The following C8orf34 variants were observed in gnomAD, a reference collection of about 807,000 sequenced individuals.
The protein encoded by C8orf34 is uncharacterized protein C8orf34.
C8orf34 carries 65 observed loss-of-function variants against 68.3 expected under a neutral mutation model. The ratio of observed to expected loss-of-function variants is 0.95; its 90% confidence interval spans 0.78 to 1.17. The LOEUF (loss-of-function observed/expected upper bound fraction) is 1.17, where lower values mean the gene tolerates loss of function less well. Ranked by LOEUF, C8orf34 falls within the 50% of genes most tolerant of loss-of-function variation. The pLI, the probability that C8orf34 is intolerant of heterozygous loss-of-function variation, is 0.00. For missense variants in C8orf34, 664 were observed against 655.4 expected, an observed-to-expected ratio of 1.01 and a Z score of -0.14; for synonymous variants, 244 against 241.2, an observed-to-expected ratio of 1.01 and a Z score of -0.11.
At chr8:68,633,435 T>C (rs1301610679) in intron 7 of C8orf34, among the ~76,000 whole-genome samples, 1 of 152,218 alleles carries the variant, frequency 6.6e-6, no homozygotes, top group African/African-American at 2.4e-5. Context: ...TTATCTATCT[T>C]CTTAACATTC....
chr8:68,469,703 T>C (rs1812297242), intron 4 of C8orf34, among the ~76,000 whole-genome samples: 1 of 152,024 alleles, frequency 6.6e-6, no homozygotes, highest in Non-Finnish European at 1.5e-5. Flanking sequence ...AAATTTTCTT[T>C]TATTGCCATG....
intron 1 of C8orf34, among the ~76,000 whole-genome samples, chr8:68,395,920 G>C (rs1265574939): frequency 6.6e-6 from 1 of 152,078 alleles, no homozygotes; most frequent in African/African-American, 2.4e-5. Flanking sequence ...GAGGAAGTAA[G>C]TGTACATAGT....
chr8:68,560,661 G>A (rs756553262), intron 7 of C8orf34, among the ~76,000 whole-genome samples: 22 of 152,268 alleles, frequency 1.4e-4, no homozygotes, highest in African/African-American at 5.1e-4. Context: ...TAATGCAATG[G>A]TAAGTATTTG....
intron 7 of C8orf34, among the ~76,000 whole-genome samples, chr8:68,598,839 G>A (rs994640621): frequency 6.6e-6 from 1 of 152,062 alleles, no homozygotes; most frequent in African/African-American, 2.4e-5. Flanking sequence ...AAAATAAATA[G>A]AAGATACAGA....
At chr8:68,727,950 CT>C (rs1223593079) in intron 10 of C8orf34, among the ~76,000 whole-genome samples, 1 of 152,206 alleles carries the variant, frequency 6.6e-6, no homozygotes, top group Non-Finnish European at 1.5e-5. Context: ...CATTAGGATC[CT>C]TGCTACTTAT....
At chr8:68,409,163 CTA>C (rs1788720663) in intron 1 of C8orf34, among the ~76,000 whole-genome samples, 1 of 152,138 alleles carries the variant, frequency 6.6e-6, no homozygotes, top group Non-Finnish European at 1.5e-5. Flanking sequence ...TCATAAATGG[CTA>C]TGTTACTAGT....
At chr8:68,809,384 A>G (rs1824579752) in intron 12 of C8orf34, among the ~76,000 whole-genome samples, 1 of 152,178 alleles carries the variant, frequency 6.6e-6, no homozygotes, top group Non-Finnish European at 1.5e-5. Context: ...AAGGTTTTAT[A>G]GTCCTAATTT....
intron 1 of C8orf34, among the ~76,000 whole-genome samples, chr8:68,394,854 C>A (rs1379985172): frequency 6.6e-6 from 1 of 151,988 alleles, no homozygotes; most frequent in Non-Finnish European, 1.5e-5. Context: ...GTAGAAAATA[C>A]TAAGGAATAA....
rs758788316 is a variant in C8orf34, at chr8:68,446,318, T to C, written c.476-11T>C. On this transcript the variant is annotated splice_polypyrimidine_tract_variant and intron_variant, in intron 2 of 13. Transcript: ENST00000518698. Reference sequence around the variant, plus strand: ...CTTTGTTGCCATTTTATATATATTTTGTTTTAACAGAATCCAAAGGAACAA... The same window carrying C: ...CTTTGTTGCCATTTTATATATATTTCGTTTTAACAGAATCCAAAGGAACAA... 1 of 1,572,290 alleles carries C rather than the reference T, an allele frequency of 6.4e-7. No homozygotes were observed. The highest frequency in any genetic ancestry group is 1.2e-5 in the South Asian group (1 of 83,608).
At chr8:68,516,691 A>G (rs1814533624) in intron 5 of C8orf34, among the ~76,000 whole-genome samples, 1 of 151,812 alleles carries the variant, frequency 6.6e-6, no homozygotes, top group African/African-American at 2.4e-5. Flanking sequence ...CCCAGGCTGG[A>G]GTGCAGTGGC....
chr8:68,802,139 T>G (rs1440895910), intron 12 of C8orf34, among the ~76,000 whole-genome samples: 2 of 152,192 alleles, frequency 1.3e-5, no homozygotes, highest in Non-Finnish European at 2.9e-5. Context: ...TTGCTCTTGT[T>G]GCCCAGGCTG....
At chr8:68,431,625 T>C (rs1375706157) in intron 1 of C8orf34, among the ~76,000 whole-genome samples, 1 of 152,200 alleles carries the variant, frequency 6.6e-6, no homozygotes. Context: ...ACTACAAGCT[T>C]GTGCTTTTAT....
At chr8:68,462,413 A>G (rs913313389) in intron 3 of C8orf34, among the ~76,000 whole-genome samples, 13 of 152,124 alleles carry the variant, frequency 8.5e-5, no homozygotes, top group Admixed American at 2.6e-4. Flanking sequence ...ATACCCAGGA[A>G]TTGAACTCAG....
In C8orf34 at chr8:68,452,294, A is replaced by C. The variant is rs1307456891; in HGVS notation, c.607+5834A>C. ...TGTACTTGATTTGCTGGGTTATATG[A>C]TAATTCTATGTGTAACTTCGAGGAG... On this transcript the variant is annotated intron_variant, in intron 3 of 13. Coordinates refer to ENST00000518698, the MANE Select transcript of C8orf34 (RefSeq NM_052958.4). 2.0e-5 allele frequency among the ~76,000 whole-genome samples: 3 copies of C among 151,442 alleles called. No homozygotes were observed. The East Asian group carries it at 5.8e-4, about 29-fold the overall frequency.
At chr8:68,758,383 G>A (rs1563652434) in intron 10 of C8orf34, among the ~76,000 whole-genome samples, 2 of 152,136 alleles carry the variant, frequency 1.3e-5, no homozygotes, top group African/African-American at 4.8e-5. Context: ...AAATTCTCAA[G>A]CTAAGCCAGA....
intron 1 of C8orf34, among the ~76,000 whole-genome samples, chr8:68,352,238 G>T (rs1033534146): frequency 2.6e-5 from 4 of 151,906 alleles, no homozygotes; most frequent in African/African-American, 9.7e-5. Flanking sequence ...AGCTTGAAGA[G>T]GAAGCATATA....
intron 3 of C8orf34, among the ~76,000 whole-genome samples, chr8:68,465,039 G>A (rs1010992497): frequency 1.5e-4 from 23 of 151,354 alleles, no homozygotes; most frequent in Admixed American, 4.0e-4. Context: ...GAAAATTTTC[G>A]CAACCTGCTC....
intron 8 of C8orf34, among the ~76,000 whole-genome samples, chr8:68,650,104 G>A (rs1235179524): frequency 6.6e-6 from 1 of 152,062 alleles, no homozygotes; most frequent in East Asian, 1.9e-4. Flanking sequence ...ACAGTCATAA[G>A]GGTTGTTCGA....
intron 10 of C8orf34, among the ~76,000 whole-genome samples, chr8:68,737,951 A>G (rs149754895): frequency 1.3e-5 from 2 of 152,252 alleles, no homozygotes; most frequent in Non-Finnish European, 2.9e-5. Context: ...AATACTCTCC[A>G]TCCCAAAACA....
Sources: allele counts gnomAD v4.1 joint callset (sites outside exome capture counted in the v4.1 genomes callset), GRCh38; gene constraint gnomAD v4.1.1; transcripts MANE v1.5; gene names NCBI Gene and HGNC (gene_info 2026-07-23, HGNC 2026-07-21).